MAF: variants seen among roughly 807,000 people sequenced by gnomAD.
The protein encoded by MAF is MAF bZIP transcription factor.
In MAF, 10 loss-of-function variants were observed where a neutral mutation model predicts 22.0. The observed-to-expected ratio is 0.45, with a 90% CI of 0.28 to 0.77. The LOEUF (loss-of-function observed/expected upper bound fraction) is 0.77, where lower values mean the gene tolerates loss of function less well. Among genes scored for constraint, MAF ranks in the 30% least tolerant of loss-of-function variants. The pLI is 0.12. For missense variants in MAF, 544 were observed against 548.4 expected (o/e 0.99, Z 0.08); for synonymous variants, 337 against 255.8 (o/e 1.32, Z -3.03).
At chr16:79,596,057 C>G (rs1014561620) in intron 1 of MAF, 33 of 1,061,976 alleles carry the variant, frequency 3.1e-5, no homozygotes, top group Non-Finnish European at 3.5e-5. Flanking sequence ...AAGGCAAGCG[C>G]TGTTTCTCTT....
chr16:79,575,128 C>G, the MAF span, among the ~76,000 whole-genome samples: 4 of 151,758 alleles, frequency 2.6e-5, no homozygotes, highest in Non-Finnish European at 4.4e-5. Flanking sequence ...GTCCCACAAA[C>G]CAGTCTTTAG....
At chr16:79,406,961 A>G in the MAF span, among the ~76,000 whole-genome samples, 2 of 152,134 alleles carry the variant, frequency 1.3e-5, no homozygotes, top group Admixed American at 6.5e-5. Flanking sequence ...CAAACCGAAC[A>G]GGCAGACTTC....
the MAF span, among the ~76,000 whole-genome samples, chr16:79,553,620 C>A: frequency 6.6e-5 from 10 of 152,324 alleles, no homozygotes; most frequent in African/African-American, 2.4e-4. Context: ...GGTACAAGCT[C>A]GCTCCCAAAA....
the MAF span, among the ~76,000 whole-genome samples, chr16:79,306,879 A>G: frequency 6.6e-6 from 1 of 152,218 alleles, no homozygotes; most frequent in East Asian, 1.9e-4. Context: ...TGATAACAGT[A>G]GCTGCATTAC....
At chr16:79,350,093 T>G in the MAF span, among the ~76,000 whole-genome samples, 1 of 152,198 alleles carries the variant, frequency 6.6e-6, no homozygotes, top group Admixed American at 6.5e-5. Context: ...CTCTGGCCCT[T>G]TAAACCTTCT....
the MAF span, among the ~76,000 whole-genome samples, chr16:79,475,652 C>A: frequency 6.6e-6 from 1 of 152,022 alleles, no homozygotes; most frequent in Admixed American, 6.6e-5. Context: ...ATGTGGGGCT[C>A]ATTTCTTTGT....
downstream of MAF, among the ~76,000 whole-genome samples, chr16:79,592,753 C>T (rs1289694203): frequency 6.6e-6 from 1 of 152,262 alleles, no homozygotes; most frequent in East Asian, 1.9e-4. Flanking sequence ...AAATTGTAGC[C>T]TATCACTGCA....
the MAF span, among the ~76,000 whole-genome samples, chr16:79,222,480 C>T: frequency 6.6e-6 from 1 of 152,178 alleles, no homozygotes; most frequent in African/African-American, 2.4e-5. Context: ...CAAATTCACA[C>T]ATAACAACCC....
chr16:79,287,541 C>T, the MAF span, among the ~76,000 whole-genome samples: 1 of 152,164 alleles, frequency 6.6e-6, no homozygotes. Flanking sequence ...CCTGCCATGA[C>T]CCACGTGTAA....
the MAF span, among the ~76,000 whole-genome samples, chr16:79,315,937 C>T: frequency 2.6e-5 from 4 of 152,226 alleles, no homozygotes; most frequent in African/African-American, 7.2e-5. Flanking sequence ...CCCCGCTGTT[C>T]TTCAGGGACT....
At chr16:79,576,459 T>C in the MAF span, among the ~76,000 whole-genome samples, 1 of 152,082 alleles carries the variant, frequency 6.6e-6, no homozygotes, top group East Asian at 1.9e-4. Context: ...CAAGATTAAA[T>C]GTTTAACTTT....
chr16:79,223,607 C>G, the MAF span, among the ~76,000 whole-genome samples: 2 of 151,128 alleles, frequency 1.3e-5, no homozygotes, highest in African/African-American at 4.8e-5. Flanking sequence ...CAAAATACAC[C>G]ACTAGCCAGA....
the MAF span, among the ~76,000 whole-genome samples, chr16:79,427,586 T>A: frequency 6.6e-6 from 1 of 152,146 alleles, no homozygotes; most frequent in East Asian, 1.9e-4. Flanking sequence ...TTTCTCAGGG[T>A]GCACAGCCAG....
the MAF span, among the ~76,000 whole-genome samples, chr16:79,225,397 A>T: frequency 6.6e-6 from 1 of 152,140 alleles, no homozygotes; most frequent in Non-Finnish European, 1.5e-5. Flanking sequence ...AAGACCTAAA[A>T]CCATAAAAAC....
chr16:79,307,217 T>C, the MAF span, among the ~76,000 whole-genome samples: 2 of 152,166 alleles, frequency 1.3e-5, no homozygotes, highest in Non-Finnish European at 2.9e-5. Flanking sequence ...GGCTCTGACC[T>C]CACACGAGCT....
the MAF span, among the ~76,000 whole-genome samples, chr16:79,567,067 G>T: frequency 6.6e-6 from 1 of 152,168 alleles, no homozygotes; most frequent in Non-Finnish European, 1.5e-5. Flanking sequence ...CGCCTGTAAT[G>T]CCAGCACTTT....
the MAF span, among the ~76,000 whole-genome samples, chr16:79,552,590 G>T: frequency 3.3e-5 from 5 of 152,100 alleles, no homozygotes; most frequent in African/African-American, 1.2e-4. Flanking sequence ...CACTTCTTTT[G>T]TAACACTTTT....
the MAF span, among the ~76,000 whole-genome samples, chr16:79,266,781 G>T: frequency 6.6e-6 from 1 of 152,150 alleles, no homozygotes; most frequent in East Asian, 1.9e-4. Flanking sequence ...ACAGGATACT[G>T]GGCTTGGAAG....
the MAF span, among the ~76,000 whole-genome samples, chr16:79,456,082 A>G: frequency 1.3e-5 from 2 of 152,218 alleles, no homozygotes; most frequent in Non-Finnish European, 2.9e-5. Context: ...GGTGAATGAG[A>G]CAAATTCTAC....
Sources: allele counts gnomAD v4.1 joint callset (sites outside exome capture counted in the v4.1 genomes callset), GRCh38; gene constraint gnomAD v4.1.1; transcripts MANE v1.5; gene names NCBI Gene and HGNC (gene_info 2026-07-23, HGNC 2026-07-21).